The following PRADC1 variants were observed in gnomAD, a reference collection of about 807,000 sequenced individuals.
PRADC1 encodes the protein protease-associated domain-containing protein 1.
A neutral mutation model predicts 22.9 loss-of-function variants in PRADC1; 23 were observed. The observed-to-expected ratio is 1.00, with a 90% CI of 0.72 to 1.42. The LOEUF (loss-of-function observed/expected upper bound fraction) is 1.42, where lower values mean the gene tolerates loss of function less well. PRADC1 is among the 40% of genes most tolerant of loss of function. The pLI, the probability that PRADC1 is intolerant of heterozygous loss-of-function variation, is 0.00. For missense variants in PRADC1, 207 were observed against 258.3 expected (o/e 0.80, Z 1.36); for synonymous variants, 71 against 100.3 (o/e 0.71, Z 1.75).
chr2:73,231,280 C>G (rs1369860113), intron 1 of PRADC1, among the ~76,000 whole-genome samples: 1 of 151,064 alleles, frequency 6.6e-6, no homozygotes, highest in East Asian at 2.0e-4. Context: ...CCACCACGCC[C>G]GGAGAATTTT....
At chr2:73,229,632 G>A (rs1686598226) in intron 2 of PRADC1, 62 bp from the exon 3 acceptor site, 2 of 1,298,926 alleles carry the variant, frequency 1.5e-6, no homozygotes, top group Non-Finnish European at 2.2e-6. Context: ...CTTTAGGACT[G>A]GGCTGACAAT....
intron 1 of PRADC1, among the ~76,000 whole-genome samples, chr2:73,231,660 G>C (rs569927769): frequency 6.6e-6 from 1 of 150,466 alleles, no homozygotes; most frequent in African/African-American, 2.5e-5. Context: ...TTTTTAAATA[G>C]GAATGGGGTC....
chr2:73,233,070 G>A, intron 1 of PRADC1, 24 bp downstream of exon 1: 2 of 1,533,036 alleles, frequency 1.3e-6, no homozygotes, highest in South Asian at 2.4e-5. Flanking sequence ...GCCCTGCAAC[G>A]CAGTCCCACC....
chr2:73,228,674 T>C lies in PRADC1; in HGVS notation c.447-100A>G. The C allele has an allele frequency of 6.3e-7, 1 of 1,596,020 alleles. No homozygotes were observed. The highest frequency in any genetic ancestry group is 8.6e-7 in the Non-Finnish European group (1 of 1,168,596). On this transcript the variant is annotated intron_variant, in intron 4 of 4. Coordinates refer to ENST00000258083, the MANE Select transcript of PRADC1 (RefSeq NM_032319.3). The surrounding 1 kb of genome is among the most constrained non-coding windows in gnomAD (Gnocchi z 4.0). ...TGGGAGTTCCAAAGCCCGAGATCTT[T>C]TTTTGCCCTCTAACTGAAGCACCCC...
intron 1 of PRADC1, among the ~76,000 whole-genome samples, chr2:73,230,457 A>G (rs1483393313): frequency 1.3e-5 from 2 of 152,256 alleles, no homozygotes; most frequent in African/African-American, 4.8e-5. Context: ...TTACGCAGTA[A>G]GCCAGGAAAA....
intron 1 of PRADC1, among the ~76,000 whole-genome samples, chr2:73,232,775 C>T (rs1210014635): frequency 6.6e-6 from 1 of 152,218 alleles, no homozygotes; most frequent in Non-Finnish European, 1.5e-5. Flanking sequence ...ACATACATAT[C>T]TCCAGCCTGT....
In PRADC1 at chr2:73,229,650, T is replaced by A. The variant is rs1423882122; in HGVS notation, c.169-80A>T. 34 of 1,017,042 alleles carry A rather than the reference T, an allele frequency of 3.3e-5. No individual in the cohort carries two copies. In the East Asian group the frequency reaches 8.2e-4, roughly 24 times the overall value. 63.0% of individuals were successfully genotyped at this position (1,017,042 alleles called of 1,614,324 possible). On this transcript the variant is annotated intron_variant, in intron 2 of 4. Coordinates refer to ENST00000258083, the MANE Select transcript of PRADC1 (RefSeq NM_032319.3). Reference sequence around the variant, plus strand: ...TAGGACTGGGCTGACAATCCCATCTTATTGGCACCTTATAAAGTGTGAAGG... The same window carrying A: ...TAGGACTGGGCTGACAATCCCATCTAATTGGCACCTTATAAAGTGTGAAGG...
intron 1 of PRADC1, among the ~76,000 whole-genome samples, chr2:73,231,374 C>T (rs1686632138): frequency 6.6e-6 from 1 of 152,054 alleles, no homozygotes; most frequent in Non-Finnish European, 1.5e-5. Context: ...CCGCCTGGGC[C>T]TTCCAAAGTG....
intron 1 of PRADC1, among the ~76,000 whole-genome samples, chr2:73,230,504 C>T (rs1686617027): frequency 1.3e-5 from 2 of 152,206 alleles, no homozygotes; most frequent in African/African-American, 2.4e-5. Context: ...GCTCTGAAGA[C>T]CTGGGAGTTT....
chr2:73,228,429 T>A lies in PRADC1; in HGVS notation c.*25A>T. ...CCCCTTCCCAGCTCAGAGTCACTTA[T>A]GGCTGGAATGTGGGACAAACTCTTC... On this transcript the variant is annotated 3_prime_UTR_variant, in exon 5 of 5. Transcript: ENST00000258083. The surrounding 1 kb of genome is among the most constrained non-coding windows in gnomAD (Gnocchi z 4.0). The A allele has an allele frequency of 6.2e-7, 1 of 1,613,082 alleles. No homozygotes were observed. The highest frequency in any genetic ancestry group is 8.5e-7 in the Non-Finnish European group (1 of 1,179,880).
chr2:73,228,295 G>T lies in PRADC1; in HGVS notation c.*159C>A. On this transcript the variant is annotated 3_prime_UTR_variant, in exon 5 of 5. Transcript: ENST00000258083. This position sits in a 1 kb window ranked among gnomAD's most constrained non-coding sequence, Gnocchi z 4.0. ...GGGCCCTGGGGAAGGGAAGGCCAGT[G>T]GTGTGGCTTCCCTTTCAGCCTAGCA... 1.2e-6 allele frequency: 1 copy of T among 856,180 alleles called. No homozygotes were observed. The highest frequency in any genetic ancestry group is 1.7e-5 in the African/African-American group (1 of 58,924). 53.0% of individuals were successfully genotyped at this position (856,180 alleles called of 1,614,324 possible). A position where few individuals can be genotyped will look rare whatever the true frequency, so the allele number is the denominator to read the frequency against.
Position 73,233,195 on chromosome 2 carries a change from C to T in PRADC1, c.-35G>A, listed in dbSNP as rs1485391129. 6 of 1,298,060 alleles carry T rather than the reference C, an allele frequency of 4.6e-6. No individual in the cohort carries two copies. Among genetic ancestry groups the T allele is most frequent in the Non-Finnish European group, 6.0e-6 (6 of 1,006,150 alleles). 80.4% of individuals were successfully genotyped at this position (1,298,060 alleles called of 1,614,324 possible). ...CGGGCCCGGCCCGGCGCCGCGTTTC[C>T]TCTCGCCGCCCCGCCGCGCGTCGCT... On this transcript the variant is annotated 5_prime_UTR_variant, in exon 1 of 5. Transcript: ENST00000258083.
chr2:73,230,041 G>T (rs1341371563), intron 2 of PRADC1, 72 bp downstream of exon 2: 8 of 1,052,148 alleles, frequency 7.6e-6, no homozygotes, highest in Non-Finnish European at 1.0e-5. Context: ...GGTGGGATGA[G>T]AGGGTCACTG....
At chr2:73,230,048 A>G in intron 2 of PRADC1, 65 bp downstream of exon 2, 2 of 1,116,042 alleles carry the variant, frequency 1.8e-6, no homozygotes, top group Non-Finnish European at 2.7e-6. Flanking sequence ...TGAGAGGGTC[A>G]CTGCAGCTCA....
intron 1 of PRADC1, among the ~76,000 whole-genome samples, chr2:73,232,336 CA>C (rs70965721): frequency 0.51 from 65,390 of 128,968 alleles, 14,809 homozygotes; most frequent in African/African-American, 0.61. Context: ...GACTCCGTCT[CA>C]AAAAAAAAAA....
rs1475039724 is a variant in PRADC1 at position 73,233,169 on chromosome 2, C to A, written c.-9G>T. ...GCGGCGCCGGGGACCATCTCCAGGG[C>A]CGGGCCCGGCCCGGCGCCGCGTTTC... On this transcript the variant is annotated 5_prime_UTR_variant, in exon 1 of 5. Coordinates refer to ENST00000258083, the MANE Select transcript of PRADC1 (RefSeq NM_032319.3). 1 of 380,794 alleles carries A rather than the reference C, an allele frequency of 2.6e-6. No individual in the cohort carries two copies. The highest frequency in any genetic ancestry group is 3.4e-6 in the Non-Finnish European group (1 of 296,142). The allele number at this position is 380,794 out of a possible 1,614,324, so 23.6% of individuals were successfully genotyped here.
chr2:73,228,322 C>A lies in PRADC1; in HGVS notation c.*132G>T, dbSNP rs190810417. On this transcript the variant is annotated 3_prime_UTR_variant, in exon 5 of 5. Coordinates refer to ENST00000258083, the MANE Select transcript of PRADC1 (RefSeq NM_032319.3). The surrounding 1 kb of genome is among the most constrained non-coding windows in gnomAD (Gnocchi z 4.0). ...TGTGGCTTCCCTTTCAGCCTAGCAA[C>A]GCCCAAACCCTTTTCCTCTACCTGG... 605 of 1,180,820 alleles carry A rather than the reference C, an allele frequency of 5.1e-4. 1 individual carries two copies. The African/African-American group carries it at 6.9e-3, about 14-fold the overall frequency. The allele number at this position is 1,180,820 out of a possible 1,614,324, so 73.1% of individuals were successfully genotyped here.
chr2:73,229,552 T>A lies in PRADC1; in HGVS notation c.187A>T (p.Ile63Phe). The A allele has an allele frequency of 6.2e-7, 1 of 1,613,568 alleles. No individual in the cohort carries two copies. The highest frequency in any genetic ancestry group is 8.5e-7 in the Non-Finnish European group (1 of 1,179,680). Residue 63 changes from isoleucine to phenylalanine, a missense_variant, in exon 3 of 5, where the codon ATT (isoleucine) becomes TTT (phenylalanine). By Grantham distance (21) the Ile-to-Phe change is conservative (BLOSUM62 0). Coordinates refer to ENST00000258083, the MANE Select transcript of PRADC1 (RefSeq NM_032319.3). Reference sequence around the variant, plus strand: ...GGAGGTTCAGCGGGGACAAGGTGAATCTGCTCATACCTTGTGTGCTGAAAA... The same window carrying A: ...GGAGGTTCAGCGGGGACAAGGTGAAACTGCTCATACCTTGTGTGCTGAAAA... ...GGIFHTRYEQ[I>F]HLVPAEPPEA...
At chr2:73,232,136 C>A (rs1364599439) in intron 1 of PRADC1, among the ~76,000 whole-genome samples, 2 of 152,046 alleles carry the variant, frequency 1.3e-5, no homozygotes, top group Non-Finnish European at 2.9e-5. Context: ...GAGATCGAGA[C>A]CATCCTGGCT....
Sources: allele counts gnomAD v4.1 joint callset (sites outside exome capture counted in the v4.1 genomes callset), GRCh38; gene constraint gnomAD v4.1.1; non-coding constraint Gnocchi (gnomAD v3.1); transcripts MANE v1.5; gene names NCBI Gene and HGNC (gene_info 2026-07-23, HGNC 2026-07-21).